The following CDH23 variants were observed in gnomAD, a reference collection of about 807,000 sequenced individuals.
CDH23 encodes cadherin-23.
Under a neutral mutation model 317.1 loss-of-function variants are expected in CDH23, and 189 were observed. That is an observed-to-expected ratio of 0.60 (90% CI 0.53 to 0.67). The LOEUF (loss-of-function observed/expected upper bound fraction) is 0.67, where lower values mean the gene tolerates loss of function less well. Ranked by LOEUF, CDH23 falls within the 30% of genes least tolerant of loss-of-function variation. The probability of loss-of-function intolerance (pLI) is 0.00; values close to 1 mark genes in which losing one functional copy is unlikely to be tolerated. For synonymous variants in CDH23, 1,839 were observed against 1,876.8 expected (o/e 0.98, Z 0.52); for missense variants, 4,401 against 4,592.4 (o/e 0.96, Z 1.20).
At chr10:71,753,061 C>A in intron 38 of CDH23, 4 of 1,581,922 alleles carry the variant, frequency 2.5e-6, no homozygotes, top group Non-Finnish European at 3.4e-6. Flanking sequence ...CATACAACAT[C>A]CCTGCCCCTG....
intron 28 of CDH23, chr10:71,715,949 G>T: frequency 6.8e-7 from 1 of 1,470,138 alleles, no homozygotes; most frequent in South Asian, 1.4e-5. Flanking sequence ...CATCTTGGTA[G>T]ATTCCATGTA....
At chr10:71,520,353 C>T (rs565362754) in intron 6 of CDH23, among the ~76,000 whole-genome samples, 20 of 152,200 alleles carry the variant, frequency 1.3e-4, no homozygotes, top group South Asian at 4.1e-4. Context: ...TAGACTTCCA[C>T]GTAGACTCTG....
rs115517160 is a variant in CDH23, at chr10:71,498,073, G to A, written c.146-12009G>A. ...GCCAAGATTGTTTTCAGTTCTCCTC[G>A]TGGACCTCTGCACTTTGGCCATTGA... On this transcript the variant is annotated intron_variant, in intron 3 of 69. Coordinates refer to ENST00000224721, the MANE Select transcript of CDH23 (RefSeq NM_022124.6). Among the ~76,000 whole-genome samples the A allele has an allele frequency of 6.7e-3, 1,026 of 152,254 alleles. 11 individuals are homozygous for A. Among genetic ancestry groups the A allele is most frequent in the African/African-American group, 0.019 (791 of 41,546 alleles).
intron 9 of CDH23, among the ~76,000 whole-genome samples, chr10:71,595,485 G>C (rs1859779303): frequency 6.6e-6 from 1 of 152,094 alleles, no homozygotes; most frequent in African/African-American, 2.4e-5. Context: ...ACCATCCTTG[G>C]ACCCTGTGCC....
At chr10:71,555,397 C>T (rs2917944) in intron 6 of CDH23, among the ~76,000 whole-genome samples, 11 of 152,286 alleles carry the variant, frequency 7.2e-5, no homozygotes, top group South Asian at 6.2e-4. Context: ...TTCTTTATAA[C>T]GTGAAATTAT....
chr10:71,737,420 A>G (rs1839596680), intron 34 of CDH23, among the ~76,000 whole-genome samples: 1 of 152,242 alleles, frequency 6.6e-6, no homozygotes, highest in Non-Finnish European at 1.5e-5. Context: ...TGCGAAGCCC[A>G]GGCTCACTCT....
rs1008355123 is a variant in CDH23, at chr10:71,587,354, C to T, written c.832+9362C>T. On this transcript the variant is annotated intron_variant, in intron 9 of 69. Coordinates refer to ENST00000224721, the MANE Select transcript of CDH23 (RefSeq NM_022124.6). The stretch of plus-strand genomic sequence containing the variant: ...TTATTCATTCATTCATTTGTTCATT[C>T]ATTCATTCAGCTAGCCAGTGAGTAC... Among the ~76,000 whole-genome samples the T allele has an allele frequency of 4.6e-5, 7 of 152,294 alleles. No individual in the cohort carries two copies. In the East Asian group the frequency reaches 9.6e-4, roughly 21 times the overall value.
intron 3 of CDH23, among the ~76,000 whole-genome samples, chr10:71,503,412 T>A (rs1007065954): frequency 6.6e-6 from 1 of 152,266 alleles, no homozygotes; most frequent in Non-Finnish European, 1.5e-5. Context: ...ATTAACTTGC[T>A]ATACTCTCTC....
intron 14 of CDH23, among the ~76,000 whole-genome samples, chr10:71,670,961 CTTT>C (rs762870565): frequency 3.1e-5 from 4 of 128,576 alleles, no homozygotes; most frequent in South Asian, 2.5e-4. Flanking sequence ...GATTTGGCAT[CTTT>C]TTTTTTTTTT....
At chr10:71,644,172 G>A (rs1037043790) in intron 12 of CDH23, among the ~76,000 whole-genome samples, 4 of 152,230 alleles carry the variant, frequency 2.6e-5, no homozygotes, top group African/African-American at 9.6e-5. Context: ...GCCCAGAGGA[G>A]CCTTGCCCCC....
At position 71,699,346 on chromosome 10, in the gene CDH23, C is replaced by T. The variant is rs1203812097; in HGVS notation, c.2398-2676C>T. ...GACTCTCTCAAGAGCCCTCTCTAGA[C>T]ATGGCATGGGCCACAGCACCTGGAG... On this transcript the variant is annotated intron_variant, in intron 22 of 69. Coordinates refer to ENST00000224721, the MANE Select transcript of CDH23 (RefSeq NM_022124.6). Among the ~76,000 whole-genome samples, 4 of 152,276 alleles carry T rather than the reference C, an allele frequency of 2.6e-5. No homozygotes were observed. In the East Asian group the frequency reaches 5.8e-4, roughly 22 times the overall value.
intron 9 of CDH23, among the ~76,000 whole-genome samples, chr10:71,603,247 G>A (rs186673004): frequency 1.6e-4 from 24 of 152,238 alleles, no homozygotes; most frequent in African/African-American, 3.4e-4. Flanking sequence ...TCTGATCACC[G>A]TCCTCTTTGT....
In CDH23 at chr10:71,458,163, C is replaced by T. The variant is rs114720770; in HGVS notation, c.145+11768C>T. Among the ~76,000 whole-genome samples the T allele has an allele frequency of 3.2e-4, 48 of 152,348 alleles. 1 individual carries two copies. In the South Asian group the frequency reaches 9.1e-3, roughly 29 times the overall value. On this transcript the variant is annotated intron_variant, in intron 3 of 69. Coordinates refer to ENST00000224721, the MANE Select transcript of CDH23 (RefSeq NM_022124.6). ...CCCTCATCAGGACTGTTCTTTACAC[C>T]CCTCAGGGGACCTGTGAGCCTGACT...
Position 71,793,284 on chromosome 10 carries a change from A to C in CDH23, c.6356A>C (p.His2119Pro). 6.2e-7 allele frequency: 1 copy of C among 1,613,992 alleles called. No individual in the cohort carries two copies. The highest frequency in any genetic ancestry group is 8.5e-7 in the Non-Finnish European group (1 of 1,179,898). Residue 2119 changes from histidine (H) to proline (P), a missense_variant, in exon 48 of 70, where the codon CAT becomes CCT. Coordinates refer to ENST00000224721, the MANE Select transcript of CDH23 (RefSeq NM_022124.6). ...GGGGCTCAGGACCGCTTCCTCATTCATCTGGTCACCGGGGTCATCCGTGTT... is the reference window on the plus strand; with the variant it reads ...GGGGCTCAGGACCGCTTCCTCATTCCTCTGGTCACCGGGGTCATCCGTGTT... ...EAGAQDRFLI[H>P]LVTGVIRVGN... is the part of the protein sequence containing the mutation.
intron 3 of CDH23, among the ~76,000 whole-genome samples, chr10:71,462,733 C>T (rs1851062815): frequency 6.6e-6 from 1 of 152,228 alleles, no homozygotes; most frequent in Non-Finnish European, 1.5e-5. Flanking sequence ...CCACCAGGTG[C>T]TCAGTGATCA....
In CDH23 at chr10:71,805,966, G is replaced by T. The variant is rs909720896; in HGVS notation, c.8033G>T (p.Arg2678Leu). The T allele has an allele frequency of 6.2e-6, 10 of 1,612,502 alleles. No individual in the cohort carries two copies. Among genetic ancestry groups the T allele is most frequent in the Admixed American group, 1.7e-5 (1 of 59,898 alleles). The change falls in exon 56 of 70, where the codon CGC becomes CTC. Residue 2678 changes from arginine to leucine, a missense_variant. Transcript: ENST00000224721. ...AGCGGCCTCATCCAGACTGCTCAGCGCCTGGACCGCGAGTCGCAGGCGGTG... is the reference window on the plus strand; with the variant it reads ...AGCGGCCTCATCCAGACTGCTCAGCTCCTGGACCGCGAGTCGCAGGCGGTG... Reference protein sequence around the residue: ...PISGLIQTAQRLDRESQAVYS... With the variant: ...PISGLIQTAQLLDRESQAVYS...
chr10:71,506,668 G>A (rs1163079134), intron 3 of CDH23, among the ~76,000 whole-genome samples: 1 of 152,218 alleles, frequency 6.6e-6, no homozygotes, highest in South Asian at 2.1e-4. Context: ...GGAGAAGCCA[G>A]GGCTGGGCCC....
At chr10:71,556,974 T>C (rs1856905949) in intron 6 of CDH23, among the ~76,000 whole-genome samples, 1 of 152,216 alleles carries the variant, frequency 6.6e-6, no homozygotes. Flanking sequence ...TAACATTCAC[T>C]GAACCCTACT....
At chr10:71,403,447 T>TC (rs1847934258) in intron 1 of CDH23, among the ~76,000 whole-genome samples, 4 of 66,218 alleles carry the variant, frequency 6.0e-5, no homozygotes, top group Admixed American at 1.6e-4. Context: ...CTTCCTTCCT[T>TC]CCTTCCTTTC....
Sources: gnomAD v4.1 joint callset for allele counts (sites outside exome capture counted in the v4.1 genomes callset) on GRCh38, gnomAD v4.1.1 for gene constraint, MANE v1.5 for transcripts, NCBI Gene and HGNC (gene_info 2026-07-23, HGNC 2026-07-21) for gene names.